The following NAV2 variants were observed in gnomAD, a reference collection of about 807,000 sequenced individuals.
NAV2 encodes neuron navigator 2, also known as helicase, APC down-regulated 1.
In NAV2, 54 loss-of-function variants were observed where a neutral mutation model predicts 223.2. The ratio of observed to expected loss-of-function variants is 0.24; its 90% confidence interval spans 0.19 to 0.30. The LOEUF is 0.30. Among genes scored for constraint, NAV2 ranks in the 10% least tolerant of loss-of-function variants. The probability of loss-of-function intolerance (pLI) is 1.00; values close to 1 mark genes in which losing one functional copy is unlikely to be tolerated. For missense variants in NAV2, 2,806 were observed against 3,147.5 expected (o/e 0.89, Z 2.60); for synonymous variants, 1,279 against 1,239.3 (o/e 1.03, Z -0.67).
chr11:19,390,947 C>G (rs1849225013), intron 1 of NAV2, among the ~76,000 whole-genome samples: 1 of 152,162 alleles, frequency 6.6e-6, no homozygotes, highest in African/African-American at 2.4e-5. Flanking sequence ...AGTGATAACA[C>G]TATCCCTTCC....
intron 3 of NAV2, among the ~76,000 whole-genome samples, chr11:19,859,598 C>T (rs1001538573): frequency 3.3e-5 from 5 of 152,036 alleles, no homozygotes; most frequent in Non-Finnish European, 5.9e-5. Context: ...CCTTTCCCCC[C>T]TTTCTATTCC....
rs527548415 is a variant in NAV2, at chr11:19,790,262, C to A, written c.268-42222C>A. ...AAAGCCCAATTCAGAGAACCATATA[C>A]TGTTAGAACTGCAAGTTTTCAAGAC... On this transcript the variant is annotated intron_variant, in intron 1 of 37. Transcript: ENST00000349880. Among the ~76,000 whole-genome samples, 122 of 152,336 alleles carry A rather than the reference C, an allele frequency of 8.0e-4. 1 individual carries two copies. The highest frequency in any genetic ancestry group is 2.8e-3 in the African/African-American group (115 of 41,580).
At chr11:19,742,290 T>C (rs1422824534) in intron 1 of NAV2, among the ~76,000 whole-genome samples, 1 of 152,218 alleles carries the variant, frequency 6.6e-6, no homozygotes, top group Non-Finnish European at 1.5e-5. Context: ...CCTCTTTCAG[T>C]CTCAATTTCC....
intron 6 of NAV2, among the ~76,000 whole-genome samples, chr11:19,922,550 T>G (rs1823917959): frequency 6.6e-6 from 1 of 152,156 alleles, no homozygotes; most frequent in South Asian, 2.1e-4. Flanking sequence ...AACCCCTGCT[T>G]TTTGAGTCCC....
At chr11:19,772,655 A>T (rs1488713909) in intron 1 of NAV2, among the ~76,000 whole-genome samples, 1 of 152,172 alleles carries the variant, frequency 6.6e-6, no homozygotes, top group Non-Finnish European at 1.5e-5. Flanking sequence ...GGGGTGCCAC[A>T]GTGCTTCTGA....
intron 1 of NAV2, among the ~76,000 whole-genome samples, chr11:19,589,249 CCAAT>C (rs1590622420): frequency 6.6e-6 from 1 of 152,180 alleles, no homozygotes; most frequent in East Asian, 1.9e-4. Context: ...AACCAACCAA[CCAAT>C]CAAACGAACA....
Position 20,035,841 on chromosome 11 carries a change from CG to C in NAV2, c.2769-114del, listed in dbSNP as rs1488024088. On this transcript the variant is annotated intron_variant, in intron 11 of 37. Transcript: ENST00000349880. ...ACATCTGAGTCAAGAGAGCTTTGTC[CG>C]GGGCTTCATGGCACAGATTGGATCT... 5 of 1,180,844 alleles carry C rather than the reference CG, an allele frequency of 4.2e-6. No individual in the cohort carries two copies. In the African/African-American group the frequency reaches 7.6e-5, roughly 18 times the overall value. 73.1% of individuals were successfully genotyped at this position (1,180,844 alleles called of 1,614,324 possible). A position where few individuals can be genotyped will look rare whatever the true frequency, so the allele number is the denominator to read the frequency against.
intron 1 of NAV2, among the ~76,000 whole-genome samples, chr11:19,744,758 A>G (rs1161710491): frequency 6.6e-6 from 1 of 152,130 alleles, no homozygotes; most frequent in Non-Finnish European, 1.5e-5. Flanking sequence ...TTGGAATTTC[A>G]CCATCCTCAC....
chr11:19,645,234 G>A (rs1009745315), intron 1 of NAV2, among the ~76,000 whole-genome samples: 14 of 152,002 alleles, frequency 9.2e-5, no homozygotes, highest in African/African-American at 3.4e-4. Flanking sequence ...CTCCATCTTC[G>A]AGGCCAGCAA....
chr11:19,544,372 T>C (rs1011815751), intron 1 of NAV2, among the ~76,000 whole-genome samples: 1 of 152,082 alleles, frequency 6.6e-6, no homozygotes, highest in African/African-American at 2.4e-5. Flanking sequence ...GAGGCCACCA[T>C]AAAGATCAGG....
At chr11:19,584,770 A>C (rs1279051833) in intron 1 of NAV2, among the ~76,000 whole-genome samples, 1 of 152,104 alleles carries the variant, frequency 6.6e-6, no homozygotes, top group Non-Finnish European at 1.5e-5. Context: ...CTGTTCTTTT[A>C]CATTTGCTGA....
intron 1 of NAV2, among the ~76,000 whole-genome samples, chr11:19,518,178 C>T (rs1384683753): frequency 6.6e-6 from 1 of 152,210 alleles, no homozygotes; most frequent in Non-Finnish European, 1.5e-5. Flanking sequence ...GGAATTTCAT[C>T]AAAGCTTCAT....
At chr11:19,688,468 G>A (rs1227719915) in intron 1 of NAV2, among the ~76,000 whole-genome samples, 1 of 152,154 alleles carries the variant, frequency 6.6e-6, no homozygotes, top group Non-Finnish European at 1.5e-5. Flanking sequence ...CCTGCAGCAA[G>A]CATCTTTCCG....
intron 11 of NAV2, among the ~76,000 whole-genome samples, chr11:19,995,474 A>T (rs976608657): frequency 1.3e-5 from 2 of 152,198 alleles, no homozygotes; most frequent in African/African-American, 2.4e-5. Flanking sequence ...GAAGGCCTTA[A>T]GGTGTCCATT....
intron 1 of NAV2, among the ~76,000 whole-genome samples, chr11:19,414,362 T>C (rs1850276062): frequency 6.6e-6 from 1 of 152,154 alleles, no homozygotes; most frequent in South Asian, 2.1e-4. Flanking sequence ...CATTACATAA[T>C]GGTAAAGGGA....
intron 1 of NAV2, among the ~76,000 whole-genome samples, chr11:19,429,195 G>C (rs997990995): frequency 6.6e-6 from 1 of 152,216 alleles, no homozygotes; most frequent in African/African-American, 2.4e-5. Context: ...TTCCAGGTGT[G>C]TATCCAGCTC....
intron 11 of NAV2, among the ~76,000 whole-genome samples, chr11:19,995,355 A>G (rs1174157741): frequency 6.6e-6 from 1 of 152,220 alleles, no homozygotes; most frequent in Admixed American, 6.5e-5. Context: ...TATTTCAGTT[A>G]GGAGTCAGGT....
At position 20,044,236 on chromosome 11, in the gene NAV2, T is replaced by G. The variant is rs2057223912; in HGVS notation, c.3163T>G (p.Ser1055Ala). The G allele has an allele frequency of 6.2e-7, 1 of 1,613,014 alleles. No homozygotes were observed. The highest frequency in any genetic ancestry group is 8.5e-7 in the Non-Finnish European group (1 of 1,179,088). Residue 1055 changes from serine (S) to alanine (A), a missense_variant, in exon 13 of 38, where the codon TCA becomes GCA. This residue lies in a region of NAV2 where 742 missense variants were observed against 777.9 expected (regional missense o/e 0.95). Coordinates refer to ENST00000349880, the MANE Select transcript of NAV2 (RefSeq NM_145117.5). ...VGITMPRTKP[S>A]APAGALKTPG... is the part of the protein sequence containing the mutation. ...CATCACCATGCCAAGGACGAAGCCT[T>G]CAGCCCCGGCAGGCGCACTGAAGAC...
chr11:19,479,828 C>T (rs954094398), intron 1 of NAV2, among the ~76,000 whole-genome samples: 6 of 152,188 alleles, frequency 3.9e-5, no homozygotes, highest in Admixed American at 6.5e-5. Flanking sequence ...GCCTGCTACG[C>T]TAACCCCTAC....
Sources: gnomAD v4.1 joint callset for allele counts (sites outside exome capture counted in the v4.1 genomes callset) on GRCh38, gnomAD v4.1.1 for gene constraint, gnomAD v4.1.1 regional missense constraint, MANE v1.5 for transcripts, NCBI Gene and HGNC (gene_info 2026-07-23, HGNC 2026-07-21) for gene names.